The following SLC26A7 variants were observed in gnomAD, a reference collection of about 807,000 sequenced individuals.
SLC26A7 encodes anion exchange transporter.
SLC26A7 carries 59 observed loss-of-function variants against 82.5 expected under a neutral mutation model. The observed-to-expected ratio is 0.72, with a 90% CI of 0.58 to 0.89. The LOEUF (loss-of-function observed/expected upper bound fraction) is 0.89, where lower values mean the gene tolerates loss of function less well. SLC26A7 is among the 40% of genes least tolerant of loss of function. The probability of loss-of-function intolerance (pLI) is 0.00; values close to 1 mark genes in which losing one functional copy is unlikely to be tolerated. For synonymous variants in SLC26A7, 271 were observed against 274.3 expected, an observed-to-expected ratio of 0.99 and a Z score of 0.12; for missense variants, 820 against 793.0, an observed-to-expected ratio of 1.03 and a Z score of -0.41.
Position 91,366,672 on chromosome 8 carries a change from CCAAAAGGAA to C in SLC26A7, c.1582_1590del (p.Gln528_Glu530del). ...TTTATACTGATTTAATGAACATGAT[CCAAAAGGAA>C]AATGCCTGTAATCAGCCACTTGATG... On this transcript the variant is annotated inframe_deletion, in exon 14 of 19. Transcript: ENST00000276609. The C allele has an allele frequency of 6.2e-7, 1 of 1,613,406 alleles. No homozygotes were observed. The highest frequency in any genetic ancestry group is 1.3e-5 in the African/African-American group (1 of 74,990).
intron 16 of SLC26A7, among the ~76,000 whole-genome samples, chr8:91,390,440 A>T (rs1205942911): frequency 6.6e-6 from 1 of 151,752 alleles, no homozygotes; most frequent in Non-Finnish European, 1.5e-5. Context: ...TCAACAGGGA[A>T]TTCACCTTCT....
chr8:91,289,739 C>G lies in SLC26A7; in HGVS notation c.304+493C>G, dbSNP rs575903787. ...GGTAAGACTACATAAAATATAGCTA[C>G]TCAAAAAACAGTGAAAAATATTTTA... On this transcript the variant is annotated intron_variant, in intron 3 of 18. Transcript: ENST00000276609. Among the ~76,000 whole-genome samples, 4 of 152,066 alleles carry G rather than the reference C, an allele frequency of 2.6e-5. No homozygotes were observed. The East Asian group carries it at 5.8e-4, about 22-fold the overall frequency.
intron 18 of SLC26A7, chr8:91,394,691 T>C (rs1808518619): frequency 2.7e-6 from 3 of 1,090,940 alleles, no homozygotes; most frequent in Non-Finnish European, 3.4e-6. Context: ...ATAATAACAC[T>C]ATTATTATTA....
At chr8:91,240,195 ATT>A (rs2130684756) in intron 2 of SLC26A7, among the ~76,000 whole-genome samples, 1 of 152,182 alleles carries the variant, frequency 6.6e-6, no homozygotes, top group African/African-American at 2.4e-5. Context: ...TCAAATATTT[ATT>A]TTTTGTTATG....
chr8:91,293,045 T>A (rs1811916188), intron 3 of SLC26A7, among the ~76,000 whole-genome samples: 1 of 152,232 alleles, frequency 6.6e-6, no homozygotes, highest in South Asian at 2.1e-4. Flanking sequence ...AGTGTTTTTT[T>A]AAAATATGAA....
intron 2 of SLC26A7, among the ~76,000 whole-genome samples, chr8:91,258,145 G>C (rs562386855): frequency 2.3e-4 from 35 of 152,058 alleles, no homozygotes; most frequent in African/African-American, 8.0e-4. Flanking sequence ...GATTTTGGGG[G>C]GTCACAGAGC....
chr8:91,223,957 T>C (rs1340003092), intron 2 of SLC26A7, among the ~76,000 whole-genome samples: 3 of 151,864 alleles, frequency 2.0e-5, no homozygotes, highest in Non-Finnish European at 4.4e-5. Context: ...TTTCTTCTGC[T>C]TGGTTGATTT....
chr8:91,270,209 T>C (rs565733756), intron 2 of SLC26A7, among the ~76,000 whole-genome samples: 1 of 152,312 alleles, frequency 6.6e-6, no homozygotes, highest in African/African-American at 2.4e-5. Context: ...TTCTTCCAGC[T>C]TTTGGAGGTA....
At chr8:91,264,814 A>G (rs1412005494) in intron 2 of SLC26A7, among the ~76,000 whole-genome samples, 1 of 152,054 alleles carries the variant, frequency 6.6e-6, no homozygotes, top group Non-Finnish European at 1.5e-5. Flanking sequence ...AGGTTTTAAT[A>G]TATATAAACA....
At chr8:91,382,513 G>A (rs1814694998) in intron 15 of SLC26A7, among the ~76,000 whole-genome samples, 2 of 151,912 alleles carry the variant, frequency 1.3e-5, no homozygotes, top group African/African-American at 2.4e-5. Context: ...ATATATTGAA[G>A]GTACACACTT....
At position 91,334,448 on chromosome 8, in the gene SLC26A7, G is replaced by T; in HGVS notation, c.795+1G>T. On this transcript the variant is annotated splice_donor_variant, in intron 6 of 18. Coordinates refer to ENST00000276609, the MANE Select transcript of SLC26A7 (RefSeq NM_052832.4). LOFTEE classifies it high-confidence loss of function. ...TGTTCTTCCTGTAGATTTAGTTTTGGTAAGTATAAAATCAACATTTAGCTT... is the reference window on the plus strand; with the variant it reads ...TGTTCTTCCTGTAGATTTAGTTTTGTTAAGTATAAAATCAACATTTAGCTT... 3.7e-6 allele frequency: 6 copies of T among 1,609,496 alleles called. No homozygotes were observed. Among genetic ancestry groups the T allele is most frequent in the Non-Finnish European group, 5.1e-6 (6 of 1,178,188 alleles).
chr8:91,267,379 A>G (rs1469274558), intron 2 of SLC26A7, among the ~76,000 whole-genome samples: 1 of 151,956 alleles, frequency 6.6e-6, no homozygotes, highest in Non-Finnish European at 1.5e-5. Context: ...CAGTGAAGCC[A>G]TCAGATTCTT....
At chr8:91,243,294 T>C (rs527552809) in intron 2 of SLC26A7, among the ~76,000 whole-genome samples, 2 of 152,206 alleles carry the variant, frequency 1.3e-5, no homozygotes, top group Admixed American at 1.3e-4. Context: ...CAAATAAAAA[T>C]AACCTGATAC....
intron 15 of SLC26A7, among the ~76,000 whole-genome samples, chr8:91,385,649 G>A (rs1814780300): frequency 6.6e-6 from 1 of 152,138 alleles, no homozygotes; most frequent in South Asian, 2.1e-4. Flanking sequence ...CACAGAGGAA[G>A]TTGGATAAAA....
rs557303842 is a variant in SLC26A7 at position 91,374,837 on chromosome 8, C to T, written c.1675+5004C>T. 4.6e-5 allele frequency among the ~76,000 whole-genome samples: 7 copies of T among 152,120 alleles called. 1 individual carries two copies. Among genetic ancestry groups the T allele is most frequent in the African/African-American group, 1.4e-4 (6 of 41,560 alleles). ...AGTGCTGCCAGTGTGATATTGAAGT[C>T]CCCCACTATTATCATCTGGCCACTG... On this transcript the variant is annotated intron_variant, in intron 15 of 18. Transcript: ENST00000276609.
intron 4 of SLC26A7, among the ~76,000 whole-genome samples, chr8:91,311,093 A>G (rs1396853264): frequency 1.3e-5 from 2 of 152,162 alleles, no homozygotes; most frequent in Admixed American, 1.3e-4. Flanking sequence ...CAGTGGTTTC[A>G]GAATTATTAA....
intron 2 of SLC26A7, among the ~76,000 whole-genome samples, chr8:91,240,555 C>T (rs1023589627): frequency 6.6e-6 from 1 of 152,138 alleles, no homozygotes; most frequent in Non-Finnish European, 1.5e-5. Flanking sequence ...TATTCACTGT[C>T]CCTTTTCTTA....
chr8:91,326,007 G>A (rs1179238407), intron 5 of SLC26A7, among the ~76,000 whole-genome samples: 1 of 152,106 alleles, frequency 6.6e-6, no homozygotes, highest in East Asian at 1.9e-4. Flanking sequence ...TCCTTTGATA[G>A]GCATTTTAGT....
intron 2 of SLC26A7, among the ~76,000 whole-genome samples, chr8:91,252,870 C>T (rs1485058531): frequency 1.3e-5 from 2 of 151,958 alleles, no homozygotes; most frequent in Non-Finnish European, 2.9e-5. Flanking sequence ...CCTCATGTCC[C>T]CTATATGCTG....
Sources: gnomAD v4.1 joint callset for allele counts (sites outside exome capture counted in the v4.1 genomes callset) on GRCh38, gnomAD v4.1.1 for gene constraint, MANE v1.5 for transcripts, NCBI Gene and HGNC (gene_info 2026-07-23, HGNC 2026-07-21) for gene names.